C2CD3: variants seen among roughly 807,000 people sequenced by gnomAD.
C2CD3 encodes the protein C2 domain containing 3 centriole elongation regulator, also known as C2 domain-containing protein 3.
In C2CD3, 148 loss-of-function variants were observed where a neutral mutation model predicts 234.0. That is an observed-to-expected ratio of 0.63 (90% CI 0.55 to 0.72). C2CD3 has a LOEUF of 0.72. Among genes scored for constraint, C2CD3 ranks in the 30% least tolerant of loss-of-function variants. The pLI is 0.00. For missense variants in C2CD3, 2,577 were observed against 2,811.5 expected (o/e 0.92, Z 1.89); for synonymous variants, 1,000 against 1,035.4 (o/e 0.97, Z 0.66).
intron 32 of C2CD3, among the ~76,000 whole-genome samples, chr11:74,027,941 G>A (rs79528164): frequency 0.058 from 8,756 of 152,058 alleles, 810 homozygotes; most frequent in African/African-American, 0.2. Flanking sequence ...TTGTACTCCC[G>A]TAAGGTTGCA....
At chr11:74,085,459 G>T in intron 21 of C2CD3, 159 bp downstream of exon 21, 1 of 683,992 alleles carries the variant, frequency 1.5e-6, no homozygotes, top group Non-Finnish European at 2.4e-6. Context: ...TACATACTTA[G>T]TACATATCCT....
chr11:74,073,415 C>A (rs957667089), intron 24 of C2CD3, among the ~76,000 whole-genome samples: 4 of 151,848 alleles, frequency 2.6e-5, no homozygotes, highest in African/African-American at 9.7e-5. Flanking sequence ...GGTGAAAACA[C>A]ATCTCTACTA....
chr11:74,097,232 A>G (rs1956146349), intron 16 of C2CD3, among the ~76,000 whole-genome samples: 1 of 152,152 alleles, frequency 6.6e-6, no homozygotes, highest in African/African-American at 2.4e-5. Flanking sequence ...GCTAAAAGTT[A>G]TTTTCCTAAT....
chr11:74,049,944 C>T lies in C2CD3; in HGVS notation c.5156-402G>A, dbSNP rs149565872. On this transcript the variant is annotated intron_variant, in intron 26 of 32. Transcript: ENST00000334126. Reference sequence around the variant, plus strand: ...TATAGGCACACACCACCATGCCCAGCTAATTTTTAATTTTTTTGTTGAGAT... The same window carrying T: ...TATAGGCACACACCACCATGCCCAGTTAATTTTTAATTTTTTTGTTGAGAT... Among the ~76,000 whole-genome samples, 744 of 152,160 alleles carry T rather than the reference C, an allele frequency of 4.9e-3. 5 individuals are homozygous for T. Among genetic ancestry groups the T allele is most frequent in the Non-Finnish European group, 7.5e-3 (508 of 68,004 alleles).
chr11:74,078,811 G>T, intron 22 of C2CD3, 94 bp from the exon 23 acceptor site: 2 of 1,193,632 alleles, frequency 1.7e-6, no homozygotes, highest in Non-Finnish European at 2.3e-6. Flanking sequence ...CTATCATCCT[G>T]GCTCAAGACA....
intron 27 of C2CD3, among the ~76,000 whole-genome samples, 168 bp downstream of exon 27, chr11:74,049,165 TACTA>T (rs1238061018): frequency 1.3e-5 from 2 of 152,234 alleles, no homozygotes; most frequent in Non-Finnish European, 2.9e-5. Context: ...CAACCATCAC[TACTA>T]ACTAATTCCA....
At chr11:74,015,816 C>G (rs1171860718) in intron 32 of C2CD3, among the ~76,000 whole-genome samples, 1 of 151,212 alleles carries the variant, frequency 6.6e-6, no homozygotes. Flanking sequence ...TCTGTAACCC[C>G]AGCACTTTGG....
intron 3 of C2CD3, among the ~76,000 whole-genome samples, chr11:74,156,618 T>C (rs1856042845): frequency 6.6e-6 from 1 of 152,106 alleles, no homozygotes; most frequent in South Asian, 2.1e-4. Context: ...GAATCTAGCC[T>C]GGGAAACATA....
At position 74,139,837 on chromosome 11, in the gene C2CD3, G is replaced by A. The variant is rs978117290; in HGVS notation, c.484-9C>T. 1.0e-5 allele frequency: 16 copies of A among 1,552,644 alleles called. No individual in the cohort carries two copies. The highest frequency in any genetic ancestry group is 2.2e-5 in the East Asian group (1 of 44,560). ...TCCAGGGCAAGTGAGACCTAAGAGA[G>A]ACAGGTAGTATATGAGAAATTTTCT... is the stretch of plus-strand genomic sequence containing the variant. On this transcript the variant is annotated splice_polypyrimidine_tract_variant and intron_variant, in intron 3 of 32. Transcript: ENST00000334126.
In C2CD3 at chr11:74,106,364, T is replaced by C. The variant is rs767652406; in HGVS notation, c.2085+7A>G. On this transcript the variant is annotated splice_region_variant and intron_variant, in intron 13 of 32. Coordinates refer to ENST00000334126, the MANE Select transcript of C2CD3 (RefSeq NM_001286577.2). ...ACTTCTGACTTCCTGAATGTATATCTACATACCTTGAGGGGGCCAAATGGA... is the reference window on the plus strand; with the variant it reads ...ACTTCTGACTTCCTGAATGTATATCCACATACCTTGAGGGGGCCAAATGGA... 3 of 1,613,732 alleles carry C rather than the reference T, an allele frequency of 1.9e-6. No homozygotes were observed. Among genetic ancestry groups the C allele is most frequent in the Admixed American group, 1.7e-5 (1 of 59,954 alleles).
At chr11:74,133,015 T>C (rs1405435735) in intron 6 of C2CD3, 43 bp from the exon 7 acceptor site, 5 of 1,598,760 alleles carry the variant, frequency 3.1e-6, no homozygotes, top group Non-Finnish European at 4.3e-6. Flanking sequence ...GGCTAACAGA[T>C]GGAAAAAATC....
chr11:74,085,801 G>A lies in C2CD3; in HGVS notation c.3727C>T (p.Pro1243Ser). 1 of 1,614,172 alleles carries A rather than the reference G, an allele frequency of 6.2e-7. No homozygotes were observed. The highest frequency in any genetic ancestry group is 8.5e-7 in the Non-Finnish European group (1 of 1,180,038). Residue 1243 changes from proline (P) to serine (S), a missense_variant, in exon 21 of 33, where the codon CCC (proline) becomes TCC (serine). Coordinates refer to ENST00000334126, the MANE Select transcript of C2CD3 (RefSeq NM_001286577.2). ...ASVTTHLSFLPQGEQRRTHPV... is the reference protein window; with the variant it reads ...ASVTTHLSFLSQGEQRRTHPV... ...TGGGTTCGGCGCTGTTCTCCCTGGG[G>A]CAGGAAGGAGAGATGAGTGGTGACA...
chr11:74,152,391 A>G (rs1231152717), intron 3 of C2CD3, among the ~76,000 whole-genome samples: 3 of 152,218 alleles, frequency 2.0e-5, no homozygotes, highest in Admixed American at 1.3e-4. Context: ...TATATAAATT[A>G]AAGTGGTAGT....
At position 74,054,640 on chromosome 11, in the gene C2CD3, G is replaced by C. The variant is rs764745936; in HGVS notation, c.5122C>G (p.Gln1708Glu). 2 of 1,611,242 alleles carry C rather than the reference G, an allele frequency of 1.2e-6. No homozygotes were observed. The highest frequency in any genetic ancestry group is 1.7e-6 in the Non-Finnish European group (2 of 1,178,484). ...TGCCAAACTTTGAAGACCAGGGTTT[G>C]TTGTGGGTCCAGAAGCAGCTCTTTT... ...LSKELLLDPQ[Q>E]TLVFKVWHKG... The change falls in exon 26 of 33, where the codon CAA (glutamine) becomes GAA (glutamate). Residue 1708 changes from glutamine to glutamate, a missense_variant. Transcript: ENST00000334126.
intron 16 of C2CD3, among the ~76,000 whole-genome samples, chr11:74,095,704 C>T (rs1417266056): frequency 6.6e-6 from 1 of 152,070 alleles, no homozygotes; most frequent in African/African-American, 2.4e-5. Flanking sequence ...TGATAAAATT[C>T]AACATTTGTT....
intron 32 of C2CD3, among the ~76,000 whole-genome samples, chr11:74,022,832 T>C (rs1256509713): frequency 2.0e-5 from 3 of 152,270 alleles, no homozygotes; most frequent in Non-Finnish European, 4.4e-5. Flanking sequence ...ATCGCTGTGC[T>C]GCAGTCCTGC....
chr11:74,119,389 T>C (rs1957137868), intron 8 of C2CD3, among the ~76,000 whole-genome samples: 1 of 152,182 alleles, frequency 6.6e-6, no homozygotes, highest in African/African-American at 2.4e-5. Context: ...ATCAGCCCTC[T>C]ACATCACAAA....
rs1392166349 is a variant in C2CD3 at position 74,168,673 on chromosome 11, T to C, written c.56-60A>G. 4.8e-6 allele frequency: 7 copies of C among 1,453,864 alleles called. No individual in the cohort carries two copies. In the Admixed American group the frequency reaches 1.2e-4, roughly 25 times the overall value. The allele number at this position is 1,453,864 out of a possible 1,614,324, so 90.1% of individuals were successfully genotyped here. The stretch of plus-strand genomic sequence containing the variant: ...TAGACTAAATATAGAAAACATATAA[T>C]ATGCTTTTTGAATGAAAACAAACAG... On this transcript the variant is annotated intron_variant, in intron 1 of 32. Coordinates refer to ENST00000334126, the MANE Select transcript of C2CD3 (RefSeq NM_001286577.2).
Position 74,033,442 on chromosome 11 carries a change from T to C in C2CD3, c.6718A>G (p.Asn2240Asp), listed in dbSNP as rs1283968137. ...GAGTCGATGGGTGGTCCCTTATGGT[T>C]TTCCCTTCTGCTCTGGGAGGCTAGA... ...LNLASQSRRE[N>D]HKGPPIDSSD... Residue 2240 changes from asparagine to aspartate, a missense_variant, in exon 31 of 33, where the codon AAC becomes GAC. Asn to Asp is a conservative substitution (Grantham distance 23). Transcript: ENST00000334126. The C allele has an allele frequency of 3.3e-6, 5 of 1,536,174 alleles. No homozygotes were observed. The highest frequency in any genetic ancestry group is 1.4e-5 in the African/African-American group (1 of 73,170).
Sources: allele counts gnomAD v4.1 joint callset (sites outside exome capture counted in the v4.1 genomes callset), GRCh38; gene constraint gnomAD v4.1.1; transcripts MANE v1.5; gene names NCBI Gene and HGNC (gene_info 2026-07-23, HGNC 2026-07-21).